GLI2: variants seen among roughly 807,000 people sequenced by gnomAD.
The protein encoded by GLI2 is transcription activator GLI2.
A neutral mutation model predicts 78.9 loss-of-function variants in GLI2; 22 were observed. The ratio of observed to expected loss-of-function variants is 0.28; its 90% CI spans 0.20 to 0.40. The LOEUF is 0.40. Ranked by LOEUF, GLI2 falls within the 10% of genes least tolerant of loss-of-function variation. The pLI is 1.00. For synonymous variants in GLI2, 974 were observed against 963.7 expected (o/e 1.01, Z -0.20); for missense variants, 2,097 against 2,213.2 (o/e 0.95, Z 1.05).
At chr2:120,738,331 T>C (rs997014690) in intron 1 of GLI2, among the ~76,000 whole-genome samples, 15 of 152,228 alleles carry the variant, frequency 9.9e-5, no homozygotes, top group Admixed American at 7.9e-4. Context: ...CTCTTGAGGG[T>C]TACAGGAAAT....
intron 1 of GLI2, among the ~76,000 whole-genome samples, chr2:120,787,228 A>C (rs1684022160): frequency 6.6e-6 from 1 of 152,124 alleles, no homozygotes; most frequent in Admixed American, 6.5e-5. Context: ...CACAGACAGC[A>C]TGACTGCGGT....
intron 1 of GLI2, among the ~76,000 whole-genome samples, chr2:120,763,156 C>T (rs1683266945): frequency 6.6e-6 from 1 of 152,190 alleles, no homozygotes; most frequent in South Asian, 2.1e-4. Context: ...TTCCTGCCCC[C>T]ACCACAGGCC....
chr2:120,981,672 G>C (rs551439000), intron 10 of GLI2, among the ~76,000 whole-genome samples: 1 of 152,280 alleles, frequency 6.6e-6, no homozygotes, highest in African/African-American at 2.4e-5. Flanking sequence ...AGCTCCTGCC[G>C]GGTGTACGTG....
At chr2:120,879,379 T>G (rs1676992953) in intron 2 of GLI2, among the ~76,000 whole-genome samples, 1 of 152,110 alleles carries the variant, frequency 6.6e-6, no homozygotes, top group East Asian at 1.9e-4. Flanking sequence ...CTTCAGAGCT[T>G]GGGTTTTGAT....
At chr2:120,843,318 C>T (rs1159089143) in intron 2 of GLI2, among the ~76,000 whole-genome samples, 2 of 152,194 alleles carry the variant, frequency 1.3e-5, no homozygotes, top group African/African-American at 4.8e-5. Flanking sequence ...AGGCAGGATC[C>T]ATACCAGGCT....
chr2:120,983,770 T>C (rs930834789), intron 11 of GLI2, among the ~76,000 whole-genome samples: 6 of 152,178 alleles, frequency 3.9e-5, no homozygotes, highest in Admixed American at 1.3e-4. Flanking sequence ...CTTAGACATA[T>C]CCTGGACCCC....
rs563722765 is a variant in GLI2 at position 120,771,179 on chromosome 2, A to T, written c.-30-26112A>T. Among the ~76,000 whole-genome samples the T allele has an allele frequency of 6.6e-5, 10 of 152,304 alleles. No homozygotes were observed. In the South Asian group the frequency reaches 1.7e-3, roughly 25 times the overall value. On this transcript the variant is annotated intron_variant, in intron 1 of 13. Transcript: ENST00000361492. ...CTCAGCCCTCTTCACTGTGCTCTGC[A>T]TGAGGAGGCGGGCCGGCACAGAGAG...
chr2:120,892,656 A>C (rs967219689), intron 2 of GLI2, among the ~76,000 whole-genome samples: 2 of 152,194 alleles, frequency 1.3e-5, no homozygotes, highest in Non-Finnish European at 2.9e-5. Flanking sequence ...GGAAATTAAC[A>C]CTGATAATCA....
At chr2:120,736,944 G>A (rs753869078) in intron 1 of GLI2, among the ~76,000 whole-genome samples, 13 of 150,388 alleles carry the variant, frequency 8.6e-5, no homozygotes, top group Middle Eastern at 6.8e-3. Context: ...ACTTCCCAAA[G>A]GGATCCGCAC....
intron 2 of GLI2, chr2:120,866,838 C>G (rs551416367): frequency 6.6e-6 from 1 of 152,208 alleles, no homozygotes; most frequent in Non-Finnish European, 1.5e-5. Context: ...CAGCTTGATT[C>G]GAAAGACTGA....
At chr2:120,822,549 C>T (rs868547915) in intron 2 of GLI2, among the ~76,000 whole-genome samples, 5 of 152,280 alleles carry the variant, frequency 3.3e-5, no homozygotes, top group Admixed American at 2.0e-4. Flanking sequence ...GAAATGCCTC[C>T]GCAAATCACC....
chr2:120,852,143 G>A (rs1006694469), intron 2 of GLI2, among the ~76,000 whole-genome samples: 1 of 152,200 alleles, frequency 6.6e-6, no homozygotes, highest in African/African-American at 2.4e-5. Context: ...GGAGTTGTAG[G>A]ATTAGAACCC....
intron 2 of GLI2, among the ~76,000 whole-genome samples, chr2:120,881,545 G>A (rs1406334510): frequency 8.3e-5 from 10 of 120,576 alleles, no homozygotes; most frequent in South Asian, 3.3e-4. Context: ...GACAGTGGGG[G>A]AAAGACAGTG....
intron 2 of GLI2, among the ~76,000 whole-genome samples, chr2:120,872,374 A>G (rs988507975): frequency 1.3e-5 from 2 of 152,204 alleles, no homozygotes; most frequent in African/African-American, 4.8e-5. Flanking sequence ...TGCACTCCCC[A>G]GTGAGGAGTG....
In GLI2 at chr2:120,988,711, C is replaced by T; in HGVS notation, c.2746C>T (p.Arg916Cys). ...PERTLPAGCP[R>C]PLGPRRGSDG... ...GCGCACGCTGCCCGCCGGCTGCCCA[C>T]GCCCACTGGGGCCGCGGCGTGGCAG... The change falls in exon 14 of 14, where the codon CGC (arginine) becomes TGC (cysteine). Residue 916 changes from arginine to cysteine, a missense_variant. Transcript: ENST00000361492. The T allele has an allele frequency of 8.2e-7, 1 of 1,221,858 alleles. No individual in the cohort carries two copies. The highest frequency in any genetic ancestry group is 1.0e-6 in the Non-Finnish European group (1 of 976,522). The allele number at this position is 1,221,858 out of a possible 1,614,324, so 75.7% of individuals were successfully genotyped here.
chr2:120,741,868 C>T (rs1194390897), intron 1 of GLI2, among the ~76,000 whole-genome samples: 1 of 152,150 alleles, frequency 6.6e-6, no homozygotes, highest in Non-Finnish European at 1.5e-5. Context: ...TGGCGGGAGG[C>T]CGGACTCTGC....
intron 1 of GLI2, among the ~76,000 whole-genome samples, chr2:120,777,178 CGT>C (rs1558790855): frequency 6.6e-6 from 1 of 152,010 alleles, no homozygotes; most frequent in Admixed American, 6.6e-5. Flanking sequence ...TATGACTATG[CGT>C]GTGTGTGATA....
At chr2:120,912,441 G>C (rs1287456373) in intron 2 of GLI2, among the ~76,000 whole-genome samples, 1 of 152,128 alleles carries the variant, frequency 6.6e-6, no homozygotes, top group Non-Finnish European at 1.5e-5. Flanking sequence ...ACAAAATAGG[G>C]GAGCAGGCTC....
chr2:120,982,695 G>T, intron 10 of GLI2, 21 bp from the exon 11 acceptor site: 1 of 1,600,534 alleles, frequency 6.2e-7, no homozygotes, highest in Non-Finnish European at 8.5e-7. Flanking sequence ...TGCCTTGACT[G>T]ACTGAACCGC....
Sources: allele counts gnomAD v4.1 joint callset (sites outside exome capture counted in the v4.1 genomes callset), GRCh38; gene constraint gnomAD v4.1.1; transcripts MANE v1.5; gene names NCBI Gene and HGNC (gene_info 2026-07-23, HGNC 2026-07-21).